AGAP4: variants seen among roughly 807,000 people sequenced by gnomAD.
AGAP4 encodes the protein ArfGAP with GTPase domain, ankyrin repeat and PH domain 4, also known as arf-GAP with GTPase, ANK repeat and PH domain-containing protein 4.
A neutral mutation model predicts 60.7 loss-of-function variants in AGAP4; 13 were observed. The ratio of observed to expected loss-of-function variants is 0.21; its 90% CI spans 0.14 to 0.34. The LOEUF is 0.34. AGAP4 is among the 10% of genes least tolerant of loss of function. The pLI is 1.00. For synonymous variants in AGAP4, 70 were observed against 339.0 expected, an observed-to-expected ratio of 0.21 and a Z score of 8.72; for missense variants, 169 against 884.0, an observed-to-expected ratio of 0.19 and a Z score of 10.26.
chr10:45,851,487 G>C (rs1449247810), upstream of AGAP4, among the ~76,000 whole-genome samples: 2 of 151,202 alleles, frequency 1.3e-5, no homozygotes, highest in African/African-American at 4.9e-5. Flanking sequence ...GATTGGGCTT[G>C]TGTGTGTGTG....
chr10:45,844,290 T>G (rs1222560527), intron 3 of AGAP4, 36 bp downstream of exon 3: 3 of 1,593,776 alleles, frequency 1.9e-6, no homozygotes, highest in Non-Finnish European at 2.5e-6. Context: ...AGAGCTTTTA[T>G]TCTTTCTCTT....
At chr10:45,846,148 T>C (rs1167286189) in intron 2 of AGAP4, among the ~76,000 whole-genome samples, 5 of 150,592 alleles carry the variant, frequency 3.3e-5, no homozygotes, top group Non-Finnish European at 5.9e-5. Flanking sequence ...GTCACCAGAA[T>C]AAATCTGGAG....
chr10:45,850,115 G>A (rs1345547169), upstream of AGAP4, among the ~76,000 whole-genome samples: 1 of 151,840 alleles, frequency 6.6e-6, no homozygotes, highest in Non-Finnish European at 1.5e-5. Context: ...TTTTAGTAGA[G>A]ATGGGGTTTC....
intron 4 of AGAP4, among the ~76,000 whole-genome samples, chr10:45,834,785 T>A (rs2058790153): frequency 7.0e-6 from 1 of 143,794 alleles, no homozygotes; most frequent in Non-Finnish European, 1.5e-5. Context: ...TTTATTTATT[T>A]ATTTTTGAGA....
intron 1 of AGAP4, among the ~76,000 whole-genome samples, 164 bp downstream of exon 1, chr10:45,846,961 G>C (rs1407224396): frequency 6.6e-6 from 1 of 151,652 alleles, no homozygotes; most frequent in African/African-American, 2.4e-5. Context: ...AAATACTAAG[G>C]GGTGGGAATT....
chr10:45,847,998 T>A (rs2059028261), upstream of AGAP4: 19 of 1,015,594 alleles, frequency 1.9e-5, no homozygotes, highest in South Asian at 7.2e-4. Flanking sequence ...GCCATCTTCC[T>A]CTATGAGTTC....
In AGAP4 at chr10:45,852,701, G is replaced by A. The variant is rs1296558646; in HGVS notation, n.221+954C>T. ...AAAAATAGGTGATGTGTTGAAATGC[G>A]GGAAACCACAGTGGAAGGAAAAATA... is the stretch of plus-strand genomic sequence containing the variant. On this transcript the variant is annotated intron_variant and non_coding_transcript_variant, in intron 1 of 9. Transcript: ENST00000430779. 6.6e-5 allele frequency among the ~76,000 whole-genome samples: 10 copies of A among 151,754 alleles called. No homozygotes were observed. In the South Asian group the frequency reaches 1.0e-3, roughly 16 times the overall value.
At chr10:45,846,119 G>C (rs1385116796) in intron 2 of AGAP4, among the ~76,000 whole-genome samples, 1 of 147,982 alleles carries the variant, frequency 6.8e-6, no homozygotes, top group Non-Finnish European at 1.5e-5. Context: ...AGAACAAGGA[G>C]GTAAATAAAG....
intron 4 of AGAP4, among the ~76,000 whole-genome samples, chr10:45,838,082 T>C (rs1377836162): frequency 6.8e-6 from 1 of 147,620 alleles, no homozygotes; most frequent in African/African-American, 2.6e-5. Context: ...TATACATACA[T>C]ATATATATAT....
Position 45,831,339 on chromosome 10 carries a change from G to C in AGAP4, c.533+55C>G, listed in dbSNP as rs1248704697. ...AGAGCTGTGACCTAACACTGAGCTTGATATCTTGCAAAGTACTTAGCTAGA... is the reference window on the plus strand; with the variant it reads ...AGAGCTGTGACCTAACACTGAGCTTCATATCTTGCAAAGTACTTAGCTAGA... On this transcript the variant is annotated intron_variant, in intron 6 of 7. Coordinates refer to ENST00000616763, the MANE Select transcript of AGAP4 (RefSeq NM_001276343.3). 7.7e-6 allele frequency: 12 copies of C among 1,558,228 alleles called. 1 individual carries two copies. The highest frequency in any genetic ancestry group is 1.0e-5 in the Non-Finnish European group (12 of 1,149,902).
intron 5 of AGAP4, among the ~76,000 whole-genome samples, chr10:45,831,784 G>A (rs1357261569): frequency 4.2e-5 from 5 of 119,538 alleles, no homozygotes; most frequent in Admixed American, 3.5e-4. Flanking sequence ...CTCTTGCTCA[G>A]ACTGGATTGC....
upstream of AGAP4, among the ~76,000 whole-genome samples, chr10:45,850,674 AG>A (rs1166488042): frequency 1.3e-5 from 2 of 152,266 alleles, no homozygotes; most frequent in Non-Finnish European, 2.9e-5. Flanking sequence ...GAGACAGAAT[AG>A]GAAGTGCTTG....
chr10:45,853,343 A>C (rs1437678678), intron 1 of AGAP4, among the ~76,000 whole-genome samples: 2 of 151,344 alleles, frequency 1.3e-5, no homozygotes, highest in Non-Finnish European at 2.9e-5. Flanking sequence ...TATCTTAATG[A>C]ATAACATCTT....
At chr10:45,848,891 G>C (rs2059042965), upstream of AGAP4, 1 of 150,198 alleles carries the variant, frequency 6.7e-6, no homozygotes, top group East Asian at 2.0e-4. Flanking sequence ...CGCACAGAGA[G>C]TGGGAACATG....
At chr10:45,847,820 TC>T (rs2059024548), upstream of AGAP4, 1 of 964,690 alleles carries the variant, frequency 1.0e-6, no homozygotes, top group Non-Finnish European at 1.3e-6. Context: ...CTGCCACCCC[TC>T]CCCAACAGCT....
At chr10:45,852,977 A>C (rs2059102592) in intron 1 of AGAP4, among the ~76,000 whole-genome samples, 1 of 152,078 alleles carries the variant, frequency 6.6e-6, no homozygotes, top group Non-Finnish European at 1.5e-5. Context: ...AAGAAAGATT[A>C]GGGAAGTTTC....
chr10:45,849,221 A>G (rs1315584520), upstream of AGAP4, among the ~76,000 whole-genome samples: 1 of 151,106 alleles, frequency 6.6e-6, no homozygotes, highest in Non-Finnish European at 1.5e-5. Flanking sequence ...GCAAGACTCC[A>G]TCCCAAAAAA....
intron 3 of AGAP4, among the ~76,000 whole-genome samples, chr10:45,843,727 A>T (rs2058956513): frequency 7.0e-6 from 1 of 142,554 alleles, no homozygotes; most frequent in Non-Finnish European, 1.5e-5. Flanking sequence ...TGGCAAATAA[A>T]TGAGGATTTA....
chr10:45,830,485 T>G (rs1285029105), intron 6 of AGAP4, among the ~76,000 whole-genome samples: 2 of 95,384 alleles, frequency 2.1e-5, no homozygotes, highest in African/African-American at 4.5e-5. Flanking sequence ...TTATTGCTTT[T>G]TTTGTTTGTT....
Sources: gnomAD v4.1 joint callset for allele counts (sites outside exome capture counted in the v4.1 genomes callset) on GRCh38, gnomAD v4.1.1 for gene constraint, MANE v1.5 for transcripts, NCBI Gene and HGNC (gene_info 2026-07-23, HGNC 2026-07-21) for gene names.